COLEC10: variants seen among roughly 807,000 people sequenced by gnomAD.
The protein encoded by COLEC10 is collectin subfamily member 10, also known as collectin-10.
A neutral mutation model predicts 28.4 loss-of-function variants in COLEC10; 22 were observed. The ratio of observed to expected loss-of-function variants is 0.78; its 90% CI spans 0.55 to 1.11. The LOEUF (loss-of-function observed/expected upper bound fraction) is 1.11. Among genes scored for constraint, COLEC10 ranks in the 50% least tolerant of loss-of-function variants. The probability of loss-of-function intolerance (pLI) is 0.00; values close to 1 mark genes in which losing one functional copy is unlikely to be tolerated. For synonymous variants in COLEC10, 125 were observed against 116.1 expected, an observed-to-expected ratio of 1.08 and a Z score of -0.49; for missense variants, 361 against 344.1, an observed-to-expected ratio of 1.05 and a Z score of -0.39.
intron 3 of COLEC10, among the ~76,000 whole-genome samples, chr8:119,099,696 C>T (rs1163230276): frequency 6.6e-6 from 1 of 152,102 alleles, no homozygotes; most frequent in African/African-American, 2.4e-5. Flanking sequence ...GACCACATAG[C>T]AATTCAAGAA....
intron 2 of COLEC10, among the ~76,000 whole-genome samples, chr8:119,014,199 A>C (rs1471975788): frequency 6.6e-6 from 1 of 150,524 alleles, no homozygotes; most frequent in Non-Finnish European, 1.5e-5. Flanking sequence ...TTTCTGACCT[A>C]CTTCATTTAC....
At chr8:118,955,574 G>A in the COLEC10 span, among the ~76,000 whole-genome samples, 1 of 152,172 alleles carries the variant, frequency 6.6e-6, no homozygotes, top group Non-Finnish European at 1.5e-5. Flanking sequence ...AAACAAGACT[G>A]TGTATCACAT....
At position 119,108,036 on chromosome 8, in the gene COLEC10, G is replaced by C. The variant is rs1485290; in HGVS notation, c.*1845G>C. 0.72 allele frequency among the ~76,000 whole-genome samples: 108,923 copies of C among 152,060 alleles called. 39,927 individuals carry two copies. The highest frequency in any genetic ancestry group is 0.87 in the African/African-American group (36,299 of 41,508). ...GAATGTCATTAGGATATGATGACAT[G>C]AAAGTCAAGATATCCCATTAATACC... is the stretch of plus-strand genomic sequence containing the variant. On this transcript the variant is annotated 3_prime_UTR_variant, in exon 6 of 6. Coordinates refer to ENST00000332843, the MANE Select transcript of COLEC10 (RefSeq NM_006438.5).
chr8:119,056,475 T>C (rs1814763636), intron 2 of COLEC10, among the ~76,000 whole-genome samples: 1 of 152,042 alleles, frequency 6.6e-6, no homozygotes, highest in South Asian at 2.1e-4. Flanking sequence ...AGAATGTAGA[T>C]GCAATGTCTG....
chr8:119,086,802 CT>C (rs1563739567), intron 1 of COLEC10, among the ~76,000 whole-genome samples: 1 of 152,146 alleles, frequency 6.6e-6, no homozygotes, highest in East Asian at 1.9e-4. Context: ...TTTATCTTGC[CT>C]TTTCATGAGC....
the COLEC10 span, among the ~76,000 whole-genome samples, chr8:118,972,566 C>A: frequency 2.0e-5 from 3 of 151,932 alleles, no homozygotes; most frequent in Non-Finnish European, 2.9e-5. Flanking sequence ...CTCACCTCCC[C>A]CTAAAAACTA....
intron 2 of COLEC10, among the ~76,000 whole-genome samples, chr8:119,050,682 A>G (rs1397444095): frequency 1.3e-5 from 2 of 152,240 alleles, no homozygotes; most frequent in African/African-American, 4.8e-5. Flanking sequence ...TTTGGAGATA[A>G]AAAGGCAGAT....
At chr8:119,069,629 A>AAAAAAAATAT (rs1554627284) in intron 1 of COLEC10, among the ~76,000 whole-genome samples, 2 of 42,876 alleles carry the variant, frequency 4.7e-5, no homozygotes, top group African/African-American at 7.5e-5. Context: ...AAAAAAAAAA[A>AAAAAAAATAT]ATATATATAT....
At chr8:118,989,575 A>ACC in the COLEC10 span, among the ~76,000 whole-genome samples, 3 of 147,096 alleles carry the variant, frequency 2.0e-5, no homozygotes, top group African/African-American at 7.7e-5. Flanking sequence ...ACACACACAC[A>ACC]CACCCCTACC....
chr8:119,081,629 G>T (rs1815371667), intron 1 of COLEC10, among the ~76,000 whole-genome samples: 1 of 152,164 alleles, frequency 6.6e-6, no homozygotes, highest in African/African-American at 2.4e-5. Flanking sequence ...TGAATGAACA[G>T]GTTGGACAGG....
the COLEC10 span, among the ~76,000 whole-genome samples, chr8:118,988,809 A>G: frequency 1.3e-5 from 2 of 152,210 alleles, no homozygotes; most frequent in African/African-American, 4.8e-5. Context: ...GAAACCTCTG[A>G]CACCTATAGC....
At chr8:119,066,973 G>A (rs191990800), upstream of COLEC10, among the ~76,000 whole-genome samples, 15 of 152,276 alleles carry the variant, frequency 9.9e-5, no homozygotes, top group East Asian at 2.9e-3. Flanking sequence ...GTCAGCTCAA[G>A]TACTCAGCAG....
chr8:118,971,729 C>T, the COLEC10 span, among the ~76,000 whole-genome samples: 1 of 151,948 alleles, frequency 6.6e-6, no homozygotes, highest in African/African-American at 2.4e-5. Context: ...ATATTTAATA[C>T]ACAACCTCAT....
intron 3 of COLEC10, among the ~76,000 whole-genome samples, chr8:119,093,635 T>C: frequency 6.6e-6 from 1 of 152,152 alleles, no homozygotes; most frequent in Non-Finnish European, 1.5e-5. Context: ...CCTCAAATGA[T>C]TAAAATAGTG....
chr8:119,080,940 G>C (rs1483763617), intron 1 of COLEC10, among the ~76,000 whole-genome samples: 1 of 151,986 alleles, frequency 6.6e-6, no homozygotes, highest in African/African-American at 2.4e-5. Context: ...TTTAGTATCA[G>C]TATAATATTG....
At chr8:119,033,467 G>A (rs1340445631) in intron 2 of COLEC10, among the ~76,000 whole-genome samples, 1 of 152,136 alleles carries the variant, frequency 6.6e-6, no homozygotes, top group Non-Finnish European at 1.5e-5. Flanking sequence ...GCAACCTATA[G>A]AACGGGAGAA....
At chr8:119,082,117 C>T (rs1000214498) in intron 1 of COLEC10, among the ~76,000 whole-genome samples, 10 of 152,222 alleles carry the variant, frequency 6.6e-5, no homozygotes, top group Non-Finnish European at 7.4e-5. Flanking sequence ...GAAGCTGATT[C>T]GGGTACTGAG....
At chr8:119,084,138 G>A (rs931689715) in intron 1 of COLEC10, among the ~76,000 whole-genome samples, 2 of 152,106 alleles carry the variant, frequency 1.3e-5, no homozygotes, top group Non-Finnish European at 1.5e-5. Context: ...AAGTAGTATG[G>A]GTCTCAGAGT....
intron 2 of COLEC10, among the ~76,000 whole-genome samples, chr8:119,018,242 G>T (rs1012963161): frequency 4.6e-5 from 7 of 152,166 alleles, no homozygotes; most frequent in Non-Finnish European, 1.5e-5. Flanking sequence ...GGGTCACTTG[G>T]TAGCTAAAAC....
Sources: gnomAD v4.1 joint callset for allele counts (sites outside exome capture counted in the v4.1 genomes callset) on GRCh38, gnomAD v4.1.1 for gene constraint, MANE v1.5 for transcripts, NCBI Gene and HGNC (gene_info 2026-07-23, HGNC 2026-07-21) for gene names.